The following KIF1B variants were observed in gnomAD, a reference collection of about 807,000 sequenced individuals.
The protein encoded by KIF1B is kinesin family member 1B, also known as kinesin-like protein KIF1B.
In KIF1B, 76 loss-of-function variants were observed where a neutral mutation model predicts 241.9. The ratio of observed to expected loss-of-function variants is 0.31; its 90% CI spans 0.26 to 0.38. The LOEUF (loss-of-function observed/expected upper bound fraction) is 0.38. Among genes scored for constraint, KIF1B ranks in the 10% least tolerant of loss-of-function variants. KIF1B has a pLI of 1.00. For missense variants in KIF1B, 1,622 were observed against 2,271.4 expected (o/e 0.71, Z 5.81); for synonymous variants, 750 against 796.7 (o/e 0.94, Z 0.99).
intron 20 of KIF1B, 96 bp downstream of exon 20, chr1:10,296,761 G>C (rs1166223527): frequency 7.3e-7 from 1 of 1,377,374 alleles, no homozygotes; most frequent in Non-Finnish European, 1.0e-6. Flanking sequence ...GTAATAGTCA[G>C]CATTAGGATT....
chr1:10,266,949 T>C (rs1417129351), intron 5 of KIF1B, among the ~76,000 whole-genome samples: 1 of 143,326 alleles, frequency 7.0e-6, no homozygotes, highest in African/African-American at 2.6e-5. Flanking sequence ...ATCTTAGAGC[T>C]TTTAATAAAA....
intron 27 of KIF1B, among the ~76,000 whole-genome samples, chr1:10,327,501 CAA>C (rs570948893): frequency 3.5e-4 from 26 of 73,892 alleles, no homozygotes; most frequent in Admixed American, 7.9e-4. Flanking sequence ...AACTCCGTCT[CAA>C]AAAAAAAAAA....
Position 10,365,018 on chromosome 1 carries a change from A to G in KIF1B, c.4367-82A>G, listed in dbSNP as rs1638527357. On this transcript the variant is annotated intron_variant, in intron 41 of 48. Coordinates refer to ENST00000676179, the MANE Select transcript of KIF1B (RefSeq NM_001365951.3). The surrounding 1 kb of genome is among the most constrained non-coding windows in gnomAD (Gnocchi z 4.0). ...GAGACTCCATCTCAAAAAAAAAAAAAAAAGAATTATTAATTCGTTTTGACC... is the reference window on the plus strand; with the variant it reads ...GAGACTCCATCTCAAAAAAAAAAAAGAAAGAATTATTAATTCGTTTTGACC... 4 of 1,302,912 alleles carry G rather than the reference A, an allele frequency of 3.1e-6. No individual in the cohort carries two copies. The highest frequency in any genetic ancestry group is 4.3e-6 in the Non-Finnish European group (4 of 934,704). The allele number at this position is 1,302,912 out of a possible 1,614,324, so 80.7% of individuals were successfully genotyped here.
chr1:10,330,910 C>T (rs535191495), intron 27 of KIF1B, among the ~76,000 whole-genome samples: 3 of 152,174 alleles, frequency 2.0e-5, no homozygotes, highest in East Asian at 3.9e-4. Flanking sequence ...GATCACATAA[C>T]GTTGGGGGAC....
chr1:10,374,752 C>A lies in KIF1B; in HGVS notation c.5097-102C>A, dbSNP rs892046271. On this transcript the variant is annotated intron_variant, in intron 46 of 48. Transcript: ENST00000676179. This position sits in a 1 kb window ranked among gnomAD's most constrained non-coding sequence, Gnocchi z 4.3. ...CAAATAGGTCATTTGCCTGTTTCAT[C>A]GAATCTAAGGACTTGGCCTAAGTGT... 1.7e-6 allele frequency: 2 copies of A among 1,162,168 alleles called. No individual in the cohort carries two copies. The highest frequency in any genetic ancestry group is 2.6e-6 in the Non-Finnish European group (2 of 780,466). The allele number at this position is 1,162,168 out of a possible 1,614,324, so 72.0% of individuals were successfully genotyped here. A position where few individuals can be genotyped will look rare whatever the true frequency, so the allele number is the denominator to read the frequency against.
intron 15 of KIF1B, among the ~76,000 whole-genome samples, chr1:10,290,735 TGGC>T (rs1649953818): frequency 6.6e-6 from 1 of 150,998 alleles, no homozygotes; most frequent in East Asian, 2.0e-4. Context: ...CTGGGCGTGG[TGGC>T]ACGTGCCTGT....
chr1:10,308,155 G>A (rs1650918154), intron 22 of KIF1B: 1 of 1,061,412 alleles, frequency 9.4e-7, no homozygotes, highest in East Asian at 5.1e-5. Flanking sequence ...TTGTAGATTT[G>A]CCTTAATGAT....
At chr1:10,277,369 A>G (rs1010755034) in intron 12 of KIF1B, among the ~76,000 whole-genome samples, 6 of 151,984 alleles carry the variant, frequency 3.9e-5, no homozygotes, top group African/African-American at 7.2e-5. Context: ...GAGTCTTGCT[A>G]TGTGGCCCAA....
intron 22 of KIF1B, among the ~76,000 whole-genome samples, chr1:10,302,118 G>T (rs1020008597): frequency 6.6e-6 from 1 of 152,176 alleles, no homozygotes; most frequent in African/African-American, 2.4e-5. Flanking sequence ...GGGTTTTCTA[G>T]ATAGAAAATA....
rs758114946 is a variant in KIF1B at position 10,342,046 on chromosome 1, T to C, written c.3514-4T>C. On this transcript the variant is annotated splice_region_variant and splice_polypyrimidine_tract_variant and intron_variant, in intron 32 of 48. Coordinates refer to ENST00000676179, the MANE Select transcript of KIF1B (RefSeq NM_001365951.3). The stretch of plus-strand genomic sequence containing the variant: ...AATCTTTTCCTAATCTTGCTTGGCT[T>C]TAGATTGCAGTGGAGATCACTGAAT... The C allele has an allele frequency of 1.0e-5, 16 of 1,562,646 alleles. No homozygotes were observed. Among genetic ancestry groups the C allele is most frequent in the African/African-American group, 1.4e-5 (1 of 73,848 alleles).
intron 45 of KIF1B, among the ~76,000 whole-genome samples, chr1:10,373,133 G>C (rs564505983): frequency 1.0e-3 from 153 of 147,692 alleles, no homozygotes; most frequent in Middle Eastern, 3.7e-3. Context: ...CTAATTTTTT[G>C]TATTTTTAGT....
At chr1:10,260,390 A>G (rs1021405867) in intron 4 of KIF1B, among the ~76,000 whole-genome samples, 5 of 152,266 alleles carry the variant, frequency 3.3e-5, no homozygotes, top group Admixed American at 3.3e-4. Context: ...GTGAAGGCCT[A>G]GGACATTGCT....
At chr1:10,219,346 G>A (rs1646809957) in intron 1 of KIF1B, among the ~76,000 whole-genome samples, 1 of 152,040 alleles carries the variant, frequency 6.6e-6, no homozygotes, top group African/African-American at 2.4e-5. Flanking sequence ...TGTAATCCCA[G>A]CTACTTGGGA....
chr1:10,323,159 G>A (rs891823770), intron 24 of KIF1B, among the ~76,000 whole-genome samples: 6 of 152,072 alleles, frequency 3.9e-5, no homozygotes, highest in Non-Finnish European at 8.8e-5. Context: ...TCCGTGCCCA[G>A]CCAAATAAAT....
chr1:10,267,020 T>A (rs976700215), intron 5 of KIF1B, among the ~76,000 whole-genome samples: 3 of 150,784 alleles, frequency 2.0e-5, no homozygotes, highest in Non-Finnish European at 4.4e-5. Context: ...TCTTTCTTTC[T>A]TTCTTTTTTT....
rs1652416372 is a variant in KIF1B at position 10,342,044 on chromosome 1, CT to C, written c.3514-3del. On this transcript the variant is annotated splice_polypyrimidine_tract_variant and splice_region_variant and intron_variant, in intron 32 of 48. Coordinates refer to ENST00000676179, the MANE Select transcript of KIF1B (RefSeq NM_001365951.3). ...GTAATCTTTTCCTAATCTTGCTTGGCTTTAGATTGCAGTGGAGATCACTGAA... is the reference window on the plus strand; with the variant it reads ...GTAATCTTTTCCTAATCTTGCTTGGCTTAGATTGCAGTGGAGATCACTGAA... The C allele has an allele frequency of 6.5e-7, 1 of 1,545,124 alleles. No homozygotes were observed. The highest frequency in any genetic ancestry group is 8.9e-7 in the Non-Finnish European group (1 of 1,117,688).
intron 1 of KIF1B, chr1:10,211,774 G>A (rs1015983429): frequency 6.6e-6 from 1 of 151,766 alleles, no homozygotes; most frequent in Non-Finnish European, 1.5e-5. Context: ...TTGTTGGGGT[G>A]AAATTCCGTG....
At chr1:10,324,973 A>G in intron 26 of KIF1B, 78 bp downstream of exon 26, 2 of 1,563,926 alleles carry the variant, frequency 1.3e-6, no homozygotes, top group Non-Finnish European at 1.8e-6. Context: ...CAGATAATAT[A>G]AAAAGTTAAG....
Position 10,342,067 on chromosome 1 carries a change from T to G in KIF1B, c.3531T>G (p.Thr1177=). The G allele has an allele frequency of 6.2e-7, 1 of 1,608,816 alleles. No individual in the cohort carries two copies. The highest frequency in any genetic ancestry group is 8.5e-7 in the Non-Finnish European group (1 of 1,175,162). Residue 1177 remains threonine, a synonymous_variant, in exon 33 of 49, where the codon ACT becomes ACG. Coordinates refer to ENST00000676179, the MANE Select transcript of KIF1B (RefSeq NM_001365951.3). ...YHVQNIAVEI[T]ESFVDYIKTK... ...GGCTTTAGATTGCAGTGGAGATCAC[T>G]GAATCATTTGTGGATTACATCAAAA...
Sources: gnomAD v4.1 joint callset for allele counts (sites outside exome capture counted in the v4.1 genomes callset) on GRCh38, gnomAD v4.1.1 for gene constraint, Gnocchi (gnomAD v3.1) non-coding constraint, MANE v1.5 for transcripts, NCBI Gene and HGNC (gene_info 2026-07-23, HGNC 2026-07-21) for gene names.